ATP13A5: variants seen among roughly 807,000 people sequenced by gnomAD.
The protein encoded by ATP13A5 is ATPase 13A5.
Under a neutral mutation model 150.2 loss-of-function variants are expected in ATP13A5, and 149 were observed. That is an observed-to-expected ratio of 0.99 (90% CI 0.87 to 1.14). The LOEUF is 1.14. ATP13A5 is among the 50% of genes most tolerant of loss of function. The pLI, the probability that ATP13A5 is intolerant of heterozygous loss-of-function variation, is 0.00. For missense variants in ATP13A5, 1,383 were observed against 1,449.3 expected, an observed-to-expected ratio of 0.95 and a Z score of 0.74; for synonymous variants, 497 against 522.2, an observed-to-expected ratio of 0.95 and a Z score of 0.66.
intron 21 of ATP13A5, among the ~76,000 whole-genome samples, chr3:193,309,070 G>A (rs1279085820): frequency 6.6e-6 from 1 of 152,106 alleles, no homozygotes; most frequent in East Asian, 1.9e-4. Context: ...ACTACCCTAT[G>A]TTCCTTTTCA....
intron 7 of ATP13A5, among the ~76,000 whole-genome samples, chr3:193,345,565 G>GTGTT (rs1712305144): frequency 6.6e-6 from 1 of 152,164 alleles, no homozygotes; most frequent in African/African-American, 2.4e-5. Context: ...TTACAGGTTG[G>GTGTT]TGTTTGCCTT....
chr3:193,325,361 C>A (rs1319762399), intron 13 of ATP13A5, among the ~76,000 whole-genome samples: 1 of 152,198 alleles, frequency 6.6e-6, no homozygotes, highest in Non-Finnish European at 1.5e-5. Context: ...GGTGTTTTGC[C>A]TACAGAGTTA....
At chr3:193,305,714 C>T (rs1213994683) in intron 22 of ATP13A5, 46 bp from the exon 23 acceptor site, 1 of 1,527,676 alleles carries the variant, frequency 6.5e-7, no homozygotes, top group Non-Finnish European at 9.1e-7. Context: ...TCAGGTTAGG[C>T]TTTACCTCTT....
Position 193,324,863 on chromosome 3 carries a change from C to T in ATP13A5, c.1674+1G>A. ...ATCTTTCCATTAAACTATCACCTTA[C>T]CCAGGCAGTGCCCTCAAACATTTTG... On this transcript the variant is annotated splice_donor_variant, in intron 14 of 29. Coordinates refer to ENST00000342358, the MANE Select transcript of ATP13A5 (RefSeq NM_198505.4). LOFTEE classifies it high-confidence loss of function. 6.2e-7 allele frequency: 1 copy of T among 1,613,606 alleles called. No homozygotes were observed. The highest frequency in any genetic ancestry group is 1.1e-5 in the South Asian group (1 of 90,916).
At chr3:193,297,188 C>A (rs536827406) in intron 25 of ATP13A5, among the ~76,000 whole-genome samples, 1 of 152,034 alleles carries the variant, frequency 6.6e-6, no homozygotes, top group Non-Finnish European at 1.5e-5. Context: ...TCTTCTTCCC[C>A]AGAAACAGGG....
rs114687064 is a variant in ATP13A5 at position 193,312,181 on chromosome 3, T to C, written c.2320-240A>G. On this transcript the variant is annotated intron_variant, in intron 19 of 29. Coordinates refer to ENST00000342358, the MANE Select transcript of ATP13A5 (RefSeq NM_198505.4). Reference sequence around the variant, plus strand: ...GTACTCTGGATCCCGTCTTGGGAGATAATATGTATGATGTCAGTCTACTGA... The same window carrying C: ...GTACTCTGGATCCCGTCTTGGGAGACAATATGTATGATGTCAGTCTACTGA... Among the ~76,000 whole-genome samples the C allele has an allele frequency of 5.0e-3, 764 of 152,320 alleles. 7 individuals carry two copies. The highest frequency in any genetic ancestry group is 0.018 in the African/African-American group (736 of 41,560).
intron 26 of ATP13A5, 149 bp downstream of exon 26, chr3:193,289,736 A>C: frequency 1.5e-6 from 1 of 647,340 alleles, no homozygotes; most frequent in Non-Finnish European, 2.5e-6. Flanking sequence ...TCCATGGATT[A>C]ACTGTGTTCT....
chr3:193,343,587 A>C (rs1335865677), intron 9 of ATP13A5, among the ~76,000 whole-genome samples: 1 of 152,140 alleles, frequency 6.6e-6, no homozygotes, highest in Non-Finnish European at 1.5e-5. Context: ...ACATGTGTAT[A>C]AACCATTCTC....
At chr3:193,354,923 GA>G (rs1221112252) in intron 5 of ATP13A5, among the ~76,000 whole-genome samples, 4 of 136,112 alleles carry the variant, frequency 2.9e-5, no homozygotes, top group African/African-American at 8.8e-5. Context: ...CATCTAGTAT[GA>G]ATCACAACAA....
chr3:193,361,219 A>T (rs1489933), intron 5 of ATP13A5, among the ~76,000 whole-genome samples: 84,872 of 151,972 alleles, frequency 0.56, 24,106 homozygotes, highest in African/African-American at 0.66. Flanking sequence ...CTTTTTTGTG[A>T]CAATGTTTTG....
intron 22 of ATP13A5, among the ~76,000 whole-genome samples, chr3:193,306,341 G>A (rs60713245): frequency 0.039 from 5,936 of 151,948 alleles, 335 homozygotes; most frequent in African/African-American, 0.13. Flanking sequence ...TCTTTAGGAG[G>A]CAGAGACTAT....
chr3:193,280,265 G>T (rs1717425972), intron 27 of ATP13A5, among the ~76,000 whole-genome samples: 1 of 152,018 alleles, frequency 6.6e-6, no homozygotes, highest in Non-Finnish European at 1.5e-5. Flanking sequence ...ATATTGGCCA[G>T]GCTGGGCTCG....
intron 23 of ATP13A5, 59 bp from the exon 24 acceptor site, chr3:193,301,366 C>T: frequency 7.8e-7 from 1 of 1,284,126 alleles, no homozygotes; most frequent in Non-Finnish European, 1.1e-6. Flanking sequence ...CTCCCAACTT[C>T]TTTTATACTT....
chr3:193,309,291 A>G (rs1394698801), intron 21 of ATP13A5, among the ~76,000 whole-genome samples: 2 of 152,202 alleles, frequency 1.3e-5, no homozygotes, highest in South Asian at 2.1e-4. Flanking sequence ...AATTATTCAC[A>G]TATCTTCTAA....
At chr3:193,326,589 C>T (rs1456679281) in intron 13 of ATP13A5, among the ~76,000 whole-genome samples, 1 of 152,164 alleles carries the variant, frequency 6.6e-6, no homozygotes, top group East Asian at 1.9e-4. Context: ...TTAATAGTAA[C>T]AATTTTCATG....
chr3:193,330,998 C>G, intron 12 of ATP13A5, 125 bp downstream of exon 12: 1 of 956,444 alleles, frequency 1.0e-6, no homozygotes, highest in East Asian at 2.5e-5. Flanking sequence ...ACTCTGTGAC[C>G]TTCTCTGGCC....
chr3:193,279,482 G>A, intron 27 of ATP13A5, 28 bp from the exon 28 acceptor site: 1 of 1,564,476 alleles, frequency 6.4e-7, no homozygotes, highest in Non-Finnish European at 8.8e-7. Flanking sequence ...ATTATTTTTA[G>A]ATGTTAAAAG....
chr3:193,339,253 T>C (rs1291145181), intron 9 of ATP13A5, among the ~76,000 whole-genome samples: 1 of 152,162 alleles, frequency 6.6e-6, no homozygotes, highest in African/African-American at 2.4e-5. Flanking sequence ...GCTCTGATCT[T>C]AGTTATTTCT....
rs778204232 is a variant in ATP13A5, at chr3:193,378,741, G to T, written c.-16C>A. On this transcript the variant is annotated 5_prime_UTR_variant, in exon 1 of 30. Coordinates refer to ENST00000342358, the MANE Select transcript of ATP13A5 (RefSeq NM_198505.4). ...TCTCTTCCATCTGAACTCAACCGGC[G>T]AGGATCTCTTCTGGCTAACTCCTTG... The T allele has an allele frequency of 6.2e-7, 1 of 1,610,770 alleles. No individual in the cohort carries two copies. Among genetic ancestry groups the T allele is most frequent in the African/African-American group, 1.3e-5 (1 of 74,832 alleles).
Sources: allele counts gnomAD v4.1 joint callset (sites outside exome capture counted in the v4.1 genomes callset), GRCh38; gene constraint gnomAD v4.1.1; transcripts MANE v1.5; gene names NCBI Gene and HGNC (gene_info 2026-07-23, HGNC 2026-07-21).